The following PCDH15 variants were observed in gnomAD, a reference collection of about 807,000 sequenced individuals.
PCDH15 encodes protocadherin-15.
PCDH15 carries 129 observed loss-of-function variants against 178.5 expected under a neutral mutation model. That is an observed-to-expected ratio of 0.72 (90% CI 0.63 to 0.84). The LOEUF (loss-of-function observed/expected upper bound fraction) is 0.84. Ranked by LOEUF, PCDH15 falls within the 40% of genes least tolerant of loss-of-function variation. The pLI is 0.00. For missense variants in PCDH15, 2,230 were observed against 2,099.9 expected (o/e 1.06, Z -1.21); for synonymous variants, 800 against 732.0 (o/e 1.09, Z -1.50).
At chr10:54,572,316 C>CCATA (rs1565630658) in intron 2 of PCDH15, among the ~76,000 whole-genome samples, 1 of 152,026 alleles carries the variant, frequency 6.6e-6, no homozygotes, top group East Asian at 1.9e-4. Context: ...AGCAGGTGTG[C>CCATA]CATAATGAGT....
chr10:54,870,648 T>C (rs1010555552), intron 3 of PCDH15, among the ~76,000 whole-genome samples: 1 of 151,638 alleles, frequency 6.6e-6, no homozygotes, highest in Admixed American at 6.6e-5. Flanking sequence ...TAGCCGGGCG[T>C]GGTGGCGGGC....
chr10:54,088,630 A>G (rs2094551917), intron 16 of PCDH15, among the ~76,000 whole-genome samples: 1 of 152,168 alleles, frequency 6.6e-6, no homozygotes, highest in African/African-American at 2.4e-5. Flanking sequence ...TAATCCAAAT[A>G]ATGAAGATTT....
intron 1 of PCDH15, among the ~76,000 whole-genome samples, chr10:54,679,071 T>C (rs1444111366): frequency 1.3e-5 from 2 of 151,246 alleles, no homozygotes; most frequent in African/African-American, 2.4e-5. Context: ...GCGCCTGTAG[T>C]CCCAGCTACT....
chr10:54,987,119 G>A (rs1179831072), intron 2 of PCDH15, among the ~76,000 whole-genome samples: 3 of 151,962 alleles, frequency 2.0e-5, no homozygotes, highest in African/African-American at 4.8e-5. Flanking sequence ...TGTGGTGTTC[G>A]GTTTTCTGTC....
chr10:55,470,853 T>G (rs2132106652), intron 2 of PCDH15, among the ~76,000 whole-genome samples: 1 of 152,326 alleles, frequency 6.6e-6, no homozygotes, highest in South Asian at 2.1e-4. Context: ...TTTTTTTTTT[T>G]TTACTATTTC....
intron 15 of PCDH15, among the ~76,000 whole-genome samples, chr10:54,131,822 C>A (rs571140736): frequency 6.6e-6 from 1 of 152,256 alleles, no homozygotes; most frequent in East Asian, 1.9e-4. Flanking sequence ...TTCCACATCT[C>A]AAAAATAAGA....
intron 2 of PCDH15, among the ~76,000 whole-genome samples, chr10:55,129,274 T>C (rs1319260453): frequency 6.6e-6 from 1 of 152,048 alleles, no homozygotes; most frequent in Non-Finnish European, 1.5e-5. Flanking sequence ...TCATGAGCAA[T>C]TGTCTCCTAA....
At chr10:54,256,501 C>T (rs577072373) in intron 8 of PCDH15, among the ~76,000 whole-genome samples, 1 of 152,236 alleles carries the variant, frequency 6.6e-6, no homozygotes, top group African/African-American at 2.4e-5. Context: ...CACAATTCTA[C>T]TGTTATAGAA....
At chr10:53,823,911 C>A in intron 32 of PCDH15, 9 of 371,266 alleles carry the variant, frequency 2.4e-5, no homozygotes, top group South Asian at 5.9e-5. Context: ...GTCTCACAGC[C>A]CAAAAATCAC....
At chr10:54,147,305 A>G (rs1486326181) in intron 14 of PCDH15, among the ~76,000 whole-genome samples, 1 of 151,750 alleles carries the variant, frequency 6.6e-6, no homozygotes, top group Non-Finnish European at 1.5e-5. Context: ...GACATTATTT[A>G]ATGAAAATAA....
intron 1 of PCDH15, among the ~76,000 whole-genome samples, chr10:55,285,352 TAAG>T (rs1190893451): frequency 5.3e-5 from 8 of 151,502 alleles, no homozygotes; most frequent in Non-Finnish European, 1.5e-5. Flanking sequence ...AATATATATT[TAAG>T]AAGTACTTTT....
At chr10:53,992,948 G>A (rs1036330794) in intron 21 of PCDH15, among the ~76,000 whole-genome samples, 4 of 152,044 alleles carry the variant, frequency 2.6e-5, no homozygotes, top group Admixed American at 2.6e-4. Flanking sequence ...GCTCTCTCTG[G>A]CTTTCAGAGT....
intron 8 of PCDH15, among the ~76,000 whole-genome samples, chr10:54,275,802 T>C (rs1353597350): frequency 6.6e-6 from 1 of 151,296 alleles, no homozygotes; most frequent in Non-Finnish European, 1.5e-5. Context: ...ACTGAAACAA[T>C]CCAGGCCACT....
intron 2 of PCDH15, among the ~76,000 whole-genome samples, chr10:55,018,078 A>C (rs1840226951): frequency 6.6e-6 from 1 of 152,138 alleles, no homozygotes; most frequent in Non-Finnish European, 1.5e-5. Flanking sequence ...TGTTATTTTC[A>C]AATAAACTTG....
At chr10:55,510,655 T>C (rs1424112677) in intron 2 of PCDH15, among the ~76,000 whole-genome samples, 2 of 151,828 alleles carry the variant, frequency 1.3e-5, no homozygotes, top group Admixed American at 6.6e-5. Flanking sequence ...TAAAAAACTG[T>C]TTAAAATTCA....
chr10:55,453,097 A>C (rs1026356503), intron 2 of PCDH15, among the ~76,000 whole-genome samples: 4 of 152,194 alleles, frequency 2.6e-5, no homozygotes, highest in Non-Finnish European at 4.4e-5. Flanking sequence ...TAAAAGTAAG[A>C]ACTAGTCTAA....
At chr10:54,869,724 T>A (rs1954001824) in intron 3 of PCDH15, among the ~76,000 whole-genome samples, 1 of 152,204 alleles carries the variant, frequency 6.6e-6, no homozygotes, top group Non-Finnish European at 1.5e-5. Flanking sequence ...GAGCTCTATA[T>A]ATGTATTCAA....
At chr10:54,562,715 G>A (rs2088374876) in intron 2 of PCDH15, among the ~76,000 whole-genome samples, 1 of 151,914 alleles carries the variant, frequency 6.6e-6, no homozygotes, top group Non-Finnish European at 1.5e-5. Context: ...TCTCTCTCTT[G>A]ATATACAGAC....
chr10:55,225,671 G>GAGAGAA (rs1213152800), intron 1 of PCDH15, among the ~76,000 whole-genome samples: 1 of 151,034 alleles, frequency 6.6e-6, no homozygotes, highest in Non-Finnish European at 1.5e-5. Context: ...GAGAGAGAGA[G>GAGAGAA]AAACGGAGAG....
Sources: gnomAD v4.1 joint callset for allele counts (sites outside exome capture counted in the v4.1 genomes callset) on GRCh38, gnomAD v4.1.1 for gene constraint, MANE v1.5 for transcripts, NCBI Gene and HGNC (gene_info 2026-07-23, HGNC 2026-07-21) for gene names.